Variants in PHF2 observed in about 807,000 individuals in gnomAD.
PHF2 encodes the protein lysine-specific demethylase PHF2.
PHF2 carries 27 observed loss-of-function variants against 120.5 expected under a neutral mutation model. The observed-to-expected ratio is 0.22, with a 90% CI of 0.17 to 0.31. The LOEUF (loss-of-function observed/expected upper bound fraction) is 0.31, where lower values mean the gene tolerates loss of function less well. PHF2 is among the 10% of genes least tolerant of loss of function. PHF2 has a pLI of 1.00. For synonymous variants in PHF2, 568 were observed against 592.5 expected (o/e 0.96, Z 0.60); for missense variants, 1,024 against 1,434.8 (o/e 0.71, Z 4.63).
Position 93,645,626 on chromosome 9 carries a change from C to A in PHF2, c.300-3C>A. On this transcript the variant is annotated splice_region_variant and splice_polypyrimidine_tract_variant and intron_variant, in intron 3 of 21. Transcript: ENST00000359246. ...GTGGCCTCTGACCTGTGCTTCCCTGCAGTGCTGAAGACGTGGTGGCCCGTG... is the reference window on the plus strand; with the variant it reads ...GTGGCCTCTGACCTGTGCTTCCCTGAAGTGCTGAAGACGTGGTGGCCCGTG... 6.3e-7 allele frequency: 1 copy of A among 1,586,690 alleles called. No homozygotes were observed. Among genetic ancestry groups the A allele is most frequent in the Non-Finnish European group, 8.6e-7 (1 of 1,163,886 alleles).
chr9:93,595,593 C>T (rs1825316558), intron 1 of PHF2, among the ~76,000 whole-genome samples: 2 of 152,260 alleles, frequency 1.3e-5, no homozygotes, highest in African/African-American at 4.8e-5. Context: ...GAGCGTTGTG[C>T]ATGGCTCCTC....
At chr9:93,653,441 A>C in intron 6 of PHF2, 76 bp downstream of exon 6, 3 of 1,465,036 alleles carry the variant, frequency 2.0e-6, no homozygotes, top group Non-Finnish European at 2.8e-6. Flanking sequence ...CAGTCCCCAC[A>C]AGCCCTGATT....
chr9:93,645,919 T>TCA (rs1210972272), intron 4 of PHF2, 130 bp downstream of exon 4: 14 of 1,020,882 alleles, frequency 1.4e-5, no homozygotes, highest in Non-Finnish European at 1.8e-5. Flanking sequence ...GCCTCAAGGC[T>TCA]CACCGTACTC....
chr9:93,653,811 G>A (rs1412147456), intron 6 of PHF2, among the ~76,000 whole-genome samples: 3 of 152,164 alleles, frequency 2.0e-5, no homozygotes, highest in African/African-American at 7.2e-5. Context: ...GACGTAAATA[G>A]CAACAGAAAC....
At position 93,636,454 on chromosome 9, in the gene PHF2, G is replaced by C; in HGVS notation, c.228G>C (p.Ala76=). 6.2e-7 allele frequency: 1 copy of C among 1,610,366 alleles called. No individual in the cohort carries two copies. Among genetic ancestry groups the C allele is most frequent in the Non-Finnish European group, 8.5e-7 (1 of 1,178,590 alleles). The change falls in exon 3 of 22, where the codon GCG becomes GCC. Residue 76 remains alanine, a synonymous_variant. Coordinates refer to ENST00000359246, the MANE Select transcript of PHF2 (RefSeq NM_005392.4). ...RTWHKHGPGQ[A]PDVKPVQNGS... is the part of the protein sequence containing the mutation. ...GGCACAAACACGGCCCGGGGCAAGC[G>C]CCTGACGTCAAGCCCGTGCAGAATG...
chr9:93,656,369 C>T lies in PHF2; in HGVS notation c.1041-120C>T. 1 of 736,662 alleles carries T rather than the reference C, an allele frequency of 1.4e-6. No individual in the cohort carries two copies. Among genetic ancestry groups the T allele is most frequent in the Non-Finnish European group, 2.3e-6 (1 of 430,368 alleles). 45.6% of individuals were successfully genotyped at this position (736,662 alleles called of 1,614,324 possible). A position where few individuals can be genotyped will look rare whatever the true frequency, so the allele number is the denominator to read the frequency against. Reference sequence around the variant, plus strand: ...ACCAGGGCAGTTTTCCCCTGGTCCTCCTCAGCTATGCAGGGCCCAGTGGGG... The same window carrying T: ...ACCAGGGCAGTTTTCCCCTGGTCCTTCTCAGCTATGCAGGGCCCAGTGGGG... On this transcript the variant is annotated intron_variant, in intron 8 of 21. Coordinates refer to ENST00000359246, the MANE Select transcript of PHF2 (RefSeq NM_005392.4). This position sits in a 1 kb window ranked among gnomAD's most constrained non-coding sequence, Gnocchi z 4.1.
intron 1 of PHF2, among the ~76,000 whole-genome samples, chr9:93,607,232 T>G (rs1825557517): frequency 6.6e-6 from 1 of 152,146 alleles, no homozygotes; most frequent in South Asian, 2.1e-4. Flanking sequence ...TTTGTCAATA[T>G]CCACAAAATA....
Position 93,667,332 on chromosome 9 carries a change from A to G in PHF2, c.2348+92A>G, listed in dbSNP as rs1826701850. ...ATGATGGTGGGAGCCTGCGAGGCAG[A>G]CGCACAGCTGGAGCCAGTGCTGAGC... On this transcript the variant is annotated intron_variant, in intron 17 of 21. Coordinates refer to ENST00000359246, the MANE Select transcript of PHF2 (RefSeq NM_005392.4). 1.3e-5 allele frequency: 19 copies of G among 1,467,436 alleles called. No homozygotes were observed. In the East Asian group the frequency reaches 4.5e-4, roughly 34 times the overall value. 90.9% of individuals were successfully genotyped at this position (1,467,436 alleles called of 1,614,324 possible). A position where few individuals can be genotyped will look rare whatever the true frequency, so the allele number is the denominator to read the frequency against.
At chr9:93,674,738 G>C (rs370699224) in intron 18 of PHF2, among the ~76,000 whole-genome samples, 189 bp from the exon 19 acceptor site, 1 of 152,126 alleles carries the variant, frequency 6.6e-6, no homozygotes, top group Non-Finnish European at 1.5e-5. Flanking sequence ...TGGGGCCTGT[G>C]CCCATGCCTG....
At chr9:93,619,536 A>G (rs535150275) in intron 1 of PHF2, among the ~76,000 whole-genome samples, 1 of 152,054 alleles carries the variant, frequency 6.6e-6, no homozygotes, top group East Asian at 1.9e-4. Flanking sequence ...GATGGCCCCC[A>G]GTGGCCTGTG....
At chr9:93,676,275 T>C (rs1469659536) in intron 20 of PHF2, among the ~76,000 whole-genome samples, 1 of 152,208 alleles carries the variant, frequency 6.6e-6, no homozygotes, top group Non-Finnish European at 1.5e-5. Context: ...AAGGAAGTTA[T>C]TAGGATCAAA....
chr9:93,671,282 G>T (rs1457723742), intron 17 of PHF2: 28 of 793,738 alleles, frequency 3.5e-5, no homozygotes, highest in Non-Finnish European at 4.3e-5. Context: ...GTAGGCACAG[G>T]TGCAGATGCA....
At chr9:93,665,909 A>G in intron 15 of PHF2, 45 bp downstream of exon 15, 1 of 1,612,486 alleles carries the variant, frequency 6.2e-7, no homozygotes, top group Non-Finnish European at 8.5e-7. Context: ...GGAGAGGCCC[A>G]TCCTGCCCCG....
At chr9:93,659,446 A>C in intron 10 of PHF2, 65 bp from the exon 11 acceptor site, 1 of 1,328,324 alleles carries the variant, frequency 7.5e-7, no homozygotes, top group Non-Finnish European at 1.1e-6. Flanking sequence ...GCCTGCAAGA[A>C]TGCAGGGGTA....
At chr9:93,634,604 C>T (rs1826060445) in intron 2 of PHF2, among the ~76,000 whole-genome samples, 1 of 152,258 alleles carries the variant, frequency 6.6e-6, no homozygotes, top group African/African-American at 2.4e-5. Context: ...ACCAAGAGGG[C>T]AGGAGCATGG....
At chr9:93,611,298 C>G (rs1825629395) in intron 1 of PHF2, among the ~76,000 whole-genome samples, 1 of 151,786 alleles carries the variant, frequency 6.6e-6, no homozygotes, top group African/African-American at 2.4e-5. Context: ...GCCTGTAATC[C>G]CAGCTACTCA....
rs898067271 is a variant in PHF2, at chr9:93,576,710, G to A, written c.-64G>A. 2.3e-5 allele frequency: 16 copies of A among 708,842 alleles called. No individual in the cohort carries two copies. Among genetic ancestry groups the A allele is most frequent in the Non-Finnish European group, 2.6e-5 (15 of 582,020 alleles). 43.9% of individuals were successfully genotyped at this position (708,842 alleles called of 1,614,324 possible). The stretch of plus-strand genomic sequence containing the variant: ...GCCGCCCCCGCGCGGCCCGGCCCCC[G>A]GCCCGGCCCGGACCGACCCGGGCAG... On this transcript the variant is annotated 5_prime_UTR_variant, in exon 1 of 22. Transcript: ENST00000359246.
chr9:93,600,755 C>T (rs1043710730), intron 1 of PHF2, among the ~76,000 whole-genome samples: 2 of 152,214 alleles, frequency 1.3e-5, no homozygotes, highest in East Asian at 1.9e-4. Flanking sequence ...CACACCCAGA[C>T]CCTGCCCTGA....
At chr9:93,649,901 C>G (rs1332709011) in intron 5 of PHF2, among the ~76,000 whole-genome samples, 1 of 151,810 alleles carries the variant, frequency 6.6e-6, no homozygotes, top group East Asian at 1.9e-4. Flanking sequence ...ACACAACACA[C>G]CAACACTCAT....
Sources: gnomAD v4.1 joint callset for allele counts (sites outside exome capture counted in the v4.1 genomes callset) on GRCh38, gnomAD v4.1.1 for gene constraint, Gnocchi (gnomAD v3.1) non-coding constraint, MANE v1.5 for transcripts, NCBI Gene and HGNC (gene_info 2026-07-23, HGNC 2026-07-21) for gene names.